Variants in DLG2 observed in about 807,000 individuals in gnomAD.
DLG2 encodes the protein disks large homolog 2.
Under a neutral mutation model 132.5 loss-of-function variants are expected in DLG2, and 45 were observed. That is an observed-to-expected ratio of 0.34 (90% CI 0.27 to 0.44). DLG2 has a LOEUF of 0.44. Ranked by LOEUF, DLG2 falls within the 20% of genes least tolerant of loss-of-function variation. DLG2 has a pLI of 1.00. For missense variants in DLG2, 1,045 were observed against 1,196.9 expected, an observed-to-expected ratio of 0.87 and a Z score of 1.87; for synonymous variants, 424 against 419.6, an observed-to-expected ratio of 1.01 and a Z score of -0.13.
intron 10 of DLG2, among the ~76,000 whole-genome samples, chr11:84,085,227 A>G (rs1002200558): frequency 5.9e-5 from 9 of 152,212 alleles, no homozygotes; most frequent in Non-Finnish European, 1.3e-4. Flanking sequence ...ATTGAATTCA[A>G]TTTCAGCAAA....
Position 84,260,311 on chromosome 11 carries a change from A to G in DLG2, c.520-9020T>C, listed in dbSNP as rs577850322. 9.2e-5 allele frequency among the ~76,000 whole-genome samples: 14 copies of G among 152,240 alleles called. 1 individual carries two copies. The South Asian group carries it at 2.9e-3, about 32-fold the overall frequency. On this transcript the variant is annotated intron_variant, in intron 7 of 27. Transcript: ENST00000376104. ...TCTTCACTTTATAAGTTTTTTCTAG[A>G]ATCAATCCTATTTGGATGAAGAAAT...
intron 6 of DLG2, among the ~76,000 whole-genome samples, chr11:85,080,131 A>T (rs1025092538): frequency 2.0e-5 from 3 of 152,064 alleles, no homozygotes; most frequent in Non-Finnish European, 4.4e-5. Context: ...ACAATCTCAC[A>T]TGCCCACCTG....
intron 19 of DLG2, among the ~76,000 whole-genome samples, chr11:83,588,822 C>T (rs1043779912): frequency 1.4e-5 from 2 of 147,232 alleles, no homozygotes; most frequent in Non-Finnish European, 3.0e-5. Flanking sequence ...AAAACCAAGG[C>T]TCGAGATCTA....
intron 4 of DLG2, among the ~76,000 whole-genome samples, chr11:85,205,146 G>GTATATATATATATATATATAGATATATA (rs376041155): frequency 1.4e-5 from 2 of 141,702 alleles, no homozygotes; most frequent in African/African-American, 5.1e-5. Flanking sequence ...ATATGTGTGT[G>GTATATATATATATATATATAGATATATA]TATATATATA....
intron 12 of DLG2, among the ~76,000 whole-genome samples, chr11:83,977,891 C>A (rs527744322): frequency 6.6e-6 from 1 of 152,134 alleles, no homozygotes; most frequent in African/African-American, 2.4e-5. Flanking sequence ...TGAGTTACTA[C>A]GGGGAAGAAT....
intron 3 of DLG2, among the ~76,000 whole-genome samples, chr11:85,557,633 A>T (rs974837355): frequency 6.6e-6 from 1 of 151,844 alleles, no homozygotes; most frequent in Admixed American, 6.6e-5. Context: ...CAGAATAAAG[A>T]ACTCAGAAAT....
At chr11:84,196,127 C>A (rs957031530) in intron 8 of DLG2, among the ~76,000 whole-genome samples, 28 of 152,006 alleles carry the variant, frequency 1.8e-4, no homozygotes, top group African/African-American at 6.5e-4. Context: ...AAAATTTAAC[C>A]CCAATTTCAA....
chr11:84,067,272 T>C (rs1037966886), intron 10 of DLG2, among the ~76,000 whole-genome samples: 46 of 152,028 alleles, frequency 3.0e-4, no homozygotes, highest in Admixed American at 8.5e-4. Flanking sequence ...AGGCGGGGGT[T>C]GCTGTGAGCC....
At chr11:85,321,145 G>C (rs2081039761) in intron 3 of DLG2, among the ~76,000 whole-genome samples, 1 of 151,908 alleles carries the variant, frequency 6.6e-6, no homozygotes, top group Non-Finnish European at 1.5e-5. Context: ...AAAAATATTG[G>C]ATATATTTTG....
chr11:83,925,881 A>G (rs1244942188), intron 15 of DLG2, among the ~76,000 whole-genome samples: 1 of 152,134 alleles, frequency 6.6e-6, no homozygotes, highest in African/African-American at 2.4e-5. Context: ...AGAAAAACCA[A>G]TTAAAACATC....
At chr11:85,297,353 T>G (rs1174440792) in intron 3 of DLG2, among the ~76,000 whole-genome samples, 1 of 152,178 alleles carries the variant, frequency 6.6e-6, no homozygotes, top group Non-Finnish European at 1.5e-5. Context: ...TCCGATCAAC[T>G]GCAGTCCCCA....
At chr11:83,732,670 G>A (rs1379278358) in intron 18 of DLG2, among the ~76,000 whole-genome samples, 1 of 152,174 alleles carries the variant, frequency 6.6e-6, no homozygotes, top group Non-Finnish European at 1.5e-5. Flanking sequence ...TATCATGTGT[G>A]CTTTCCTGCA....
intron 7 of DLG2, among the ~76,000 whole-genome samples, chr11:84,356,163 T>TG (rs2098610037): frequency 6.6e-6 from 1 of 152,076 alleles, no homozygotes; most frequent in Non-Finnish European, 1.5e-5. Context: ...TTGGTTTTGG[T>TG]GGGGAAAGCA....
intron 3 of DLG2, among the ~76,000 whole-genome samples, chr11:85,542,308 T>A (rs756139188): frequency 6.6e-6 from 1 of 152,294 alleles, no homozygotes; most frequent in East Asian, 1.9e-4. Flanking sequence ...TGGAAATATA[T>A]TATGTTGGAG....
At chr11:84,008,306 GTC>G (rs2094685029) in intron 11 of DLG2, among the ~76,000 whole-genome samples, 1 of 151,842 alleles carries the variant, frequency 6.6e-6, no homozygotes, top group South Asian at 2.1e-4. Flanking sequence ...TTCTTTAAGA[GTC>G]TCTATCAGTT....
intron 4 of DLG2, among the ~76,000 whole-genome samples, chr11:85,252,371 G>C (rs936334431): frequency 6.6e-6 from 1 of 152,140 alleles, no homozygotes; most frequent in African/African-American, 2.4e-5. Flanking sequence ...GGCGGATCAC[G>C]AGGTCAGGAG....
At chr11:84,710,244 G>A (rs1180939191) in intron 6 of DLG2, among the ~76,000 whole-genome samples, 2 of 151,920 alleles carry the variant, frequency 1.3e-5, no homozygotes, top group Admixed American at 1.3e-4. Context: ...CTTAGTACTA[G>A]CTCACCAGCA....
chr11:85,068,502 C>A (rs935479932), intron 6 of DLG2, among the ~76,000 whole-genome samples: 1 of 152,020 alleles, frequency 6.6e-6, no homozygotes, highest in African/African-American at 2.4e-5. Flanking sequence ...TCTTATACAC[C>A]AATAGCAGAC....
At position 83,466,750 on chromosome 11, in the gene DLG2, G is replaced by A; in HGVS notation, c.2687C>T (p.Pro896Leu). 1 of 1,613,710 alleles carries A rather than the reference G, an allele frequency of 6.2e-7. No individual in the cohort carries two copies. ...IKRLQVAQLY[P>L]IAIFIKPRSL... is the part of the protein sequence containing the mutation. ...CCTGGGTTTTATGAAGATGGCAATG[G>A]GATAGAGCTGGGCAACTTGTAACCG... is the stretch of plus-strand genomic sequence containing the variant. The change falls in exon 26 of 28, where the codon CCC becomes CTC. Residue 896 changes from proline (P) to leucine (L), a missense_variant. Pro to Leu is a moderately conservative substitution (Grantham distance 98). Transcript: ENST00000376104.
Sources: allele counts gnomAD v4.1 joint callset (sites outside exome capture counted in the v4.1 genomes callset), GRCh38; gene constraint gnomAD v4.1.1; transcripts MANE v1.5; gene names NCBI Gene and HGNC (gene_info 2026-07-23, HGNC 2026-07-21).